ACSM3: variants seen among roughly 807,000 people sequenced by gnomAD.
ACSM3 encodes the protein acyl-coenzyme A synthetase ACSM3, mitochondrial.
Under a neutral mutation model 74.1 loss-of-function variants are expected in ACSM3, and 61 were observed. That is an observed-to-expected ratio of 0.82 (90% CI 0.67 to 1.02). The LOEUF (loss-of-function observed/expected upper bound fraction) is 1.02. Among genes scored for constraint, ACSM3 ranks in the 50% least tolerant of loss-of-function variants. The pLI, the probability that ACSM3 is intolerant of heterozygous loss-of-function variation, is 0.00. For synonymous variants in ACSM3, 213 were observed against 241.5 expected (o/e 0.88, Z 1.09); for missense variants, 660 against 697.0 (o/e 0.95, Z 0.60).
At chr16:20,744,691 G>A (rs951608990) in intron 1 of ACSM3, among the ~76,000 whole-genome samples, 6 of 152,078 alleles carry the variant, frequency 3.9e-5, no homozygotes, top group East Asian at 1.9e-4. Context: ...GCCAAACCAC[G>A]TTTAAATAAG....
chr16:20,729,970 T>G (rs2079820773), intron 1 of ACSM3, among the ~76,000 whole-genome samples: 1 of 152,148 alleles, frequency 6.6e-6, no homozygotes, highest in Non-Finnish European at 1.5e-5. Context: ...TTACACAGGT[T>G]AACAATCCTC....
intron 1 of ACSM3, among the ~76,000 whole-genome samples, chr16:20,711,933 A>C (rs2079745262): frequency 6.6e-6 from 1 of 151,924 alleles, no homozygotes; most frequent in Admixed American, 6.6e-5. Context: ...TGAACCAACC[A>C]CGTATCCCAC....
At chr16:20,741,480 G>GGCCC (rs750099547) in intron 1 of ACSM3, 6 of 1,340,314 alleles carry the variant, frequency 4.5e-6, no homozygotes, top group Admixed American at 6.9e-5. Flanking sequence ...CCTGGCAGCC[G>GGCCC]GCCCGCCCGC....
intron 1 of ACSM3, among the ~76,000 whole-genome samples, chr16:20,701,504 C>A (rs1472998652): frequency 6.6e-6 from 1 of 152,098 alleles, no homozygotes; most frequent in East Asian, 1.9e-4. Context: ...AACTTCAGAG[C>A]CAGATAGACC....
chr16:20,694,957 C>G (rs747157041), intron 1 of ACSM3, among the ~76,000 whole-genome samples: 3 of 152,166 alleles, frequency 2.0e-5, no homozygotes, highest in Non-Finnish European at 4.4e-5. Flanking sequence ...TGATCTTGGA[C>G]CTCCAGCCTT....
At chr16:20,755,108 A>T (rs2080018848) in intron 2 of ACSM3, among the ~76,000 whole-genome samples, 1 of 152,192 alleles carries the variant, frequency 6.6e-6, no homozygotes, top group Non-Finnish European at 1.5e-5. Context: ...TGTCATCCAA[A>T]GCTGGGTAAA....
chr16:20,700,557 G>T (rs528433357), intron 1 of ACSM3, among the ~76,000 whole-genome samples: 2 of 151,994 alleles, frequency 1.3e-5, no homozygotes, highest in East Asian at 3.9e-4. Context: ...TCAAGGCATA[G>T]GTGGGGGACT....
chr16:20,685,826 A>AAAG (rs2079540492), intron 1 of ACSM3, among the ~76,000 whole-genome samples: 1 of 127,806 alleles, frequency 7.8e-6, no homozygotes, highest in Non-Finnish European at 1.8e-5. Flanking sequence ...TCTCAAAAAA[A>AAAG]AAAAACAAAC....
In ACSM3 at chr16:20,767,998, G is replaced by A. The variant is rs571289468; in HGVS notation, c.-51-1986G>A. On this transcript the variant is annotated intron_variant, in intron 1 of 13. Coordinates refer to ENST00000289416, the MANE Select transcript of ACSM3 (RefSeq NM_005622.4). ...ATTTATTTATGTATTGTCAATGGCT[G>A]CTCTCTCAATGGCAGAGTTAAATAC... is the stretch of plus-strand genomic sequence containing the variant. Among the ~76,000 whole-genome samples the A allele has an allele frequency of 1.6e-4, 25 of 152,314 alleles. 1 individual carries two copies. In the South Asian group the frequency reaches 5.0e-3, roughly 30 times the overall value.
intron 1 of ACSM3, among the ~76,000 whole-genome samples, chr16:20,689,048 AT>A (rs1419049223): frequency 1.3e-5 from 2 of 149,826 alleles, no homozygotes; most frequent in African/African-American, 4.9e-5. Context: ...TGTTAAATAA[AT>A]GTTAATTAAG....
intron 1 of ACSM3, among the ~76,000 whole-genome samples, chr16:20,744,615 C>A (rs2079950298): frequency 6.6e-6 from 1 of 152,192 alleles, no homozygotes; most frequent in Non-Finnish European, 1.5e-5. Flanking sequence ...GAACTCCTGA[C>A]CTCAAGAGAT....
intron 2 of ACSM3, among the ~76,000 whole-genome samples, chr16:20,753,230 G>C (rs1395928298): frequency 6.6e-6 from 1 of 151,848 alleles, no homozygotes; most frequent in Admixed American, 6.6e-5. Context: ...TTTGGGAGCC[G>C]AGGTGGGCAG....
intron 3 of ACSM3, 39 bp downstream of exon 3, chr16:20,776,088 G>A: frequency 6.2e-7 from 1 of 1,600,034 alleles, no homozygotes; most frequent in Non-Finnish European, 8.6e-7. Flanking sequence ...TTATTACTAA[G>A]CTGGAGGGGA....
intron 1 of ACSM3, among the ~76,000 whole-genome samples, chr16:20,715,709 TC>T (rs1444614767): frequency 6.6e-6 from 1 of 152,210 alleles, no homozygotes; most frequent in African/African-American, 2.4e-5. Context: ...TTAACCCTGT[TC>T]CCTTCAACCA....
intron 2 of ACSM3, among the ~76,000 whole-genome samples, chr16:20,751,379 ATG>A (rs2152433792): frequency 6.6e-6 from 1 of 152,290 alleles, no homozygotes; most frequent in South Asian, 2.1e-4. Context: ...ATTTATAAAA[ATG>A]TTTTTCTTTT....
intron 9 of ACSM3, among the ~76,000 whole-genome samples, chr16:20,787,144 C>T (rs1408286796): frequency 3.9e-5 from 6 of 152,206 alleles, no homozygotes; most frequent in African/African-American, 1.4e-4. Context: ...AGGAACTTAA[C>T]ACTAATTTGG....
intron 8 of ACSM3, 27 bp from the exon 9 acceptor site, chr16:20,786,051 A>G (rs2080467433): frequency 9.1e-6 from 13 of 1,432,618 alleles, no homozygotes; most frequent in Non-Finnish European, 1.2e-5. Flanking sequence ...TTGTAATGTT[A>G]TCTTACTTTT....
chr16:20,745,193 G>A (rs891623987), intron 1 of ACSM3, among the ~76,000 whole-genome samples: 21 of 152,038 alleles, frequency 1.4e-4, no homozygotes, highest in African/African-American at 4.8e-4. Context: ...ATGGCTGTGT[G>A]AACTTTCACC....
chr16:20,720,292 T>C (rs1158406430), intron 1 of ACSM3, among the ~76,000 whole-genome samples: 2 of 152,234 alleles, frequency 1.3e-5, no homozygotes, highest in Non-Finnish European at 1.5e-5. Context: ...GAGTTTGTTT[T>C]CCTGCAACTA....
Sources: allele counts gnomAD v4.1 joint callset (sites outside exome capture counted in the v4.1 genomes callset), GRCh38; gene constraint gnomAD v4.1.1; transcripts MANE v1.5; gene names NCBI Gene and HGNC (gene_info 2026-07-23, HGNC 2026-07-21).